The following URB1 variants were observed in gnomAD, a reference collection of about 807,000 sequenced individuals.
URB1 encodes nucleolar pre-ribosomal-associated protein 1.
In URB1, 197 loss-of-function variants were observed where a neutral mutation model predicts 242.3. The observed-to-expected ratio is 0.81, with a 90% CI of 0.72 to 0.91. The LOEUF (loss-of-function observed/expected upper bound fraction) is 0.91. Ranked by LOEUF, URB1 falls within the 40% of genes least tolerant of loss-of-function variation. URB1 has a pLI of 0.00. For synonymous variants in URB1, 1,153 were observed against 1,201.8 expected, an observed-to-expected ratio of 0.96 and a Z score of 0.84; for missense variants, 2,721 against 2,860.5, an observed-to-expected ratio of 0.95 and a Z score of 1.11.
intron 30 of URB1, among the ~76,000 whole-genome samples, chr21:32,331,021 A>G (rs2032887391): frequency 6.6e-6 from 1 of 152,224 alleles, no homozygotes; most frequent in Non-Finnish European, 1.5e-5. Context: ...AAGTAGGAGC[A>G]TTTGTTGAGA....
Position 32,392,902 on chromosome 21 carries a change from G to T in URB1, c.9C>A (p.Val3=), listed in dbSNP as rs374065244. The T allele has an allele frequency of 7.6e-5, 115 of 1,522,304 alleles. No homozygotes were observed. The highest frequency in any genetic ancestry group is 6.3e-4 in the South Asian group (52 of 82,434). The allele number at this position is 1,522,304 out of a possible 1,614,324, so 94.3% of individuals were successfully genotyped here. Residue 3 remains valine, a synonymous_variant, in exon 1 of 39, where the codon GTC becomes GTA. Transcript: ENST00000382751. MG[V]PKRKASGGQD... is the part of the protein sequence containing the mutation. ...GGCCGCCCGAGGCCTTCCTCTTGGG[G>T]ACCCCCATGGCCGAGAGGGCGGAAG...
rs1280689657 is a variant in URB1 at position 32,312,416 on chromosome 21, A to T, written c.*2502T>A. On this transcript the variant is annotated 3_prime_UTR_variant, in exon 39 of 39. Transcript: ENST00000382751. ...CTGGGTAAGTTCCCATCCAAGCTCC[A>T]CTAACACCCGCCGGCTCCCCCAGAT... 2.1e-5 allele frequency: 18 copies of T among 871,498 alleles called. No homozygotes were observed. The highest frequency in any genetic ancestry group is 2.7e-5 in the Non-Finnish European group (18 of 673,824). The allele number at this position is 871,498 out of a possible 1,614,324, so 54.0% of individuals were successfully genotyped here.
rs1427499766 is a variant in URB1, at chr21:32,392,928, C to T, written c.-18G>A. The T allele has an allele frequency of 1.3e-6, 2 of 1,498,252 alleles. No homozygotes were observed. Among genetic ancestry groups the T allele is most frequent in the African/African-American group, 1.4e-5 (1 of 71,258 alleles). The allele number at this position is 1,498,252 out of a possible 1,614,324, so 92.8% of individuals were successfully genotyped here. Reference sequence around the variant, plus strand: ...ACCCCCATGGCCGAGAGGGCGGAAGCGCGACGGAAACGACACACCTGAGGG... The same window carrying T: ...ACCCCCATGGCCGAGAGGGCGGAAGTGCGACGGAAACGACACACCTGAGGG... On this transcript the variant is annotated 5_prime_UTR_variant, in exon 1 of 39. Coordinates refer to ENST00000382751, the MANE Select transcript of URB1 (RefSeq NM_014825.3).
At chr21:32,340,191 TG>T (rs1472621072) in intron 25 of URB1, among the ~76,000 whole-genome samples, 1 of 152,218 alleles carries the variant, frequency 6.6e-6, no homozygotes, top group Admixed American at 6.5e-5. Flanking sequence ...TTCAAGTTCA[TG>T]GGATGGTCAG....
At chr21:32,346,888 C>T in intron 22 of URB1, 68 bp downstream of exon 22, 4 of 1,442,690 alleles carry the variant, frequency 2.8e-6, no homozygotes, top group Non-Finnish European at 3.7e-6. Flanking sequence ...TAAAAATGGC[C>T]ATGCAGTTCA....
intron 28 of URB1, among the ~76,000 whole-genome samples, chr21:32,334,981 C>T (rs755820963): frequency 5.1e-4 from 78 of 152,160 alleles, no homozygotes; most frequent in Non-Finnish European, 8.7e-4. Context: ...GCACTTCCCC[C>T]AACTCTCCTC....
Position 32,349,488 on chromosome 21 carries a change from G to A in URB1, c.2833-5C>T. On this transcript the variant is annotated splice_polypyrimidine_tract_variant and splice_region_variant and intron_variant, in intron 20 of 38. Coordinates refer to ENST00000382751, the MANE Select transcript of URB1 (RefSeq NM_014825.3). ...CGGGCCCACACTTCTGCCCAGCTGTGAGGACAAGAGCACGAGCCTCAGCAG... is the reference window on the plus strand; with the variant it reads ...CGGGCCCACACTTCTGCCCAGCTGTAAGGACAAGAGCACGAGCCTCAGCAG... 6.5e-7 allele frequency: 1 copy of A among 1,541,498 alleles called. No homozygotes were observed. Among genetic ancestry groups the A allele is most frequent in the East Asian group, 2.5e-5 (1 of 40,714 alleles).
chr21:32,325,211 T>C lies in URB1; in HGVS notation c.5121+18A>G, dbSNP rs951251381. 12 of 1,543,648 alleles carry C rather than the reference T, an allele frequency of 7.8e-6. No homozygotes were observed. The African/African-American group carries it at 1.5e-4, about 19-fold the overall frequency. On this transcript the variant is annotated intron_variant, in intron 31 of 38. Transcript: ENST00000382751. The stretch of plus-strand genomic sequence containing the variant: ...CCAGGCCCACCCCCACAGTAGGATG[T>C]ACGCTCTTCCTACTTACCTGGGACT...
intron 20 of URB1, among the ~76,000 whole-genome samples, chr21:32,349,687 C>A (rs1004857729): frequency 2.0e-5 from 3 of 152,236 alleles, no homozygotes; most frequent in Non-Finnish European, 4.4e-5. Context: ...TGGTGAAACA[C>A]AAAGGTTGTT....
At position 32,325,282 on chromosome 21, in the gene URB1, G is replaced by A. The variant is rs1411700319; in HGVS notation, c.5068C>T (p.Leu1690=). ...TCCAAGTGCGAGTAGTAGGCCGCCA[G>A]GACATGGTAGGCTATGGCTCGCATC... is the stretch of plus-strand genomic sequence containing the variant. The part of the protein sequence containing the change: ...PQMRAIAYHV[L]AAYYSHLEGA... Residue 1690 remains leucine, a synonymous_variant, in exon 31 of 39, where the codon CTG becomes TTG. Transcript: ENST00000382751. The A allele has an allele frequency of 6.4e-6, 10 of 1,551,760 alleles. No homozygotes were observed. In the South Asian group the frequency reaches 9.5e-5, roughly 15 times the overall value.
In URB1 at chr21:32,344,689, T is replaced by A. The variant is rs1348070636; in HGVS notation, c.4138A>T (p.Arg1380Trp). The A allele has an allele frequency of 3.2e-6, 5 of 1,552,194 alleles. No homozygotes were observed. Among genetic ancestry groups the A allele is most frequent in the Non-Finnish European group, 4.4e-6 (5 of 1,147,152 alleles). The change falls in exon 24 of 39, where the codon AGG (arginine) becomes TGG (tryptophan). Residue 1380 changes from arginine (R) to tryptophan (W), a missense_variant. Transcript: ENST00000382751. ...GSAEELCAWR[R>W]TLLESCVKWL... is the part of the protein sequence containing the mutation. The stretch of plus-strand genomic sequence containing the variant: ...TTCACACAGGACTCCAAAAGGGTCC[T>A]TCTCCAGGCACACAGCTCTTCTGCT...
At chr21:32,337,599 T>G (rs201767332) in intron 26 of URB1, 85 bp from the exon 27 acceptor site, 1 of 1,131,060 alleles carries the variant, frequency 8.8e-7, no homozygotes, top group South Asian at 1.5e-5. Flanking sequence ...CCAGGCAACA[T>G]TGAAATGCTG....
At chr21:32,321,376 C>T (rs2123544678) in intron 34 of URB1, among the ~76,000 whole-genome samples, 1 of 152,220 alleles carries the variant, frequency 6.6e-6, no homozygotes, top group East Asian at 1.9e-4. Context: ...TCTGACAACC[C>T]CCAACTTCTG....
intron 8 of URB1, among the ~76,000 whole-genome samples, chr21:32,368,856 C>T (rs1224726377): frequency 6.6e-6 from 1 of 152,134 alleles, no homozygotes; most frequent in Non-Finnish European, 1.5e-5. Flanking sequence ...TCCTACTTCC[C>T]TCCCTTGAGT....
intron 13 of URB1, among the ~76,000 whole-genome samples, chr21:32,360,168 C>T (rs1441338714): frequency 6.6e-6 from 1 of 152,184 alleles, no homozygotes. Context: ...ACACAGCCCA[C>T]ACTGACCCCA....
chr21:32,328,176 C>T (rs1272224311), intron 30 of URB1, among the ~76,000 whole-genome samples: 3 of 152,234 alleles, frequency 2.0e-5, no homozygotes, highest in African/African-American at 4.8e-5. Context: ...TCTCCTTTGT[C>T]GCCCAGGCTG....
At chr21:32,383,116 C>T (rs983027231) in intron 4 of URB1, among the ~76,000 whole-genome samples, 11 of 152,200 alleles carry the variant, frequency 7.2e-5, no homozygotes, top group South Asian at 6.2e-4. Flanking sequence ...ATTTCATTTA[C>T]CAGGAGAGGA....
intron 1 of URB1, 45 bp from the exon 2 acceptor site, chr21:32,385,729 TAG>T: frequency 6.5e-7 from 1 of 1,546,156 alleles, no homozygotes; most frequent in Non-Finnish European, 8.7e-7. Flanking sequence ...TCAGTCTTCT[TAG>T]AAACAATCAC....
At chr21:32,337,320 C>T (rs2032971720) in intron 27 of URB1, 84 bp downstream of exon 27, 2 of 1,392,630 alleles carry the variant, frequency 1.4e-6, no homozygotes, top group South Asian at 1.3e-5. Flanking sequence ...TCACATCCCT[C>T]CAGCTCTCAT....
Sources: allele counts gnomAD v4.1 joint callset (sites outside exome capture counted in the v4.1 genomes callset), GRCh38; gene constraint gnomAD v4.1.1; transcripts MANE v1.5; gene names NCBI Gene and HGNC (gene_info 2026-07-23, HGNC 2026-07-21).